The following LGSN variants were observed in gnomAD, a reference collection of about 807,000 sequenced individuals.
LGSN encodes lengsin, lens protein with glutamine synthetase domain, also known as lengsin.
LGSN carries 21 observed loss-of-function variants against 19.5 expected under a neutral mutation model. That is an observed-to-expected ratio of 1.07 (90% CI 0.76 to 1.55). LGSN has a LOEUF of 1.55. Ranked by LOEUF, LGSN falls within the 40% of genes most tolerant of loss-of-function variation. LGSN has a pLI of 0.00. For synonymous variants in LGSN, 257 were observed against 215.6 expected, an observed-to-expected ratio of 1.19 and a Z score of -1.68; for missense variants, 673 against 608.5, an observed-to-expected ratio of 1.11 and a Z score of -1.12.
chr6:63,562,901 G>A, the LGSN span, among the ~76,000 whole-genome samples: 1 of 152,122 alleles, frequency 6.6e-6, no homozygotes, highest in African/African-American at 2.4e-5. Context: ...CTTTTCATCA[G>A]TGTGCCTATA....
the LGSN span, among the ~76,000 whole-genome samples, chr6:63,423,379 G>T: frequency 6.6e-6 from 1 of 151,978 alleles, no homozygotes; most frequent in South Asian, 2.1e-4. Flanking sequence ...AGTGGCTCAT[G>T]CCTGTAAACT....
the LGSN span, among the ~76,000 whole-genome samples, chr6:63,368,122 A>G: frequency 6.9e-6 from 1 of 145,440 alleles, no homozygotes; most frequent in Non-Finnish European, 1.5e-5. Context: ...AGCCAGAAAA[A>G]AAGAAAAAAA....
chr6:63,324,493 C>A (rs1474076678), upstream of LGSN, among the ~76,000 whole-genome samples: 1 of 152,042 alleles, frequency 6.6e-6, no homozygotes, highest in African/African-American at 2.4e-5. Context: ...GGAATATTCT[C>A]CAGGACAGAC....
chr6:63,324,212 G>T (rs1769173292), upstream of LGSN, among the ~76,000 whole-genome samples: 1 of 152,154 alleles, frequency 6.6e-6, no homozygotes, highest in Non-Finnish European at 1.5e-5. Flanking sequence ...TCTCCTCAAA[G>T]GTTCTTGGAA....
At chr6:63,531,161 C>T in the LGSN span, among the ~76,000 whole-genome samples, 2 of 152,154 alleles carry the variant, frequency 1.3e-5, no homozygotes, top group Non-Finnish European at 2.9e-5. Flanking sequence ...GAGTTGGTGT[C>T]CATCAAGATA....
the LGSN span, among the ~76,000 whole-genome samples, chr6:63,340,817 T>C: frequency 6.6e-6 from 1 of 151,934 alleles, no homozygotes; most frequent in East Asian, 1.9e-4. Flanking sequence ...TAGAAAGTCA[T>C]ATTCCCTTGC....
At chr6:63,371,076 A>C in the LGSN span, among the ~76,000 whole-genome samples, 1 of 152,168 alleles carries the variant, frequency 6.6e-6, no homozygotes, top group South Asian at 2.1e-4. Flanking sequence ...TAATTTCTCA[A>C]AATGTTAGTT....
the LGSN span, among the ~76,000 whole-genome samples, chr6:63,460,100 CTTTTTTTTTTTT>C: frequency 2.0e-4 from 11 of 56,128 alleles, no homozygotes; most frequent in Admixed American, 1.1e-3. Context: ...ATTTCATTCC[CTTTTTTTTTTTT>C]TTTTTTTTTT....
chr6:63,421,909 T>C, the LGSN span, among the ~76,000 whole-genome samples: 1 of 151,964 alleles, frequency 6.6e-6, no homozygotes, highest in African/African-American at 2.4e-5. Context: ...GTTGAAGAAA[T>C]AAATATAGCT....
chr6:63,441,944 G>A, the LGSN span: 3 of 230,568 alleles, frequency 1.3e-5, no homozygotes, highest in South Asian at 1.2e-4. Flanking sequence ...GCGGACCCTC[G>A]CGGTGAGTGT....
chr6:63,411,605 C>T, the LGSN span, among the ~76,000 whole-genome samples: 3 of 152,016 alleles, frequency 2.0e-5, no homozygotes, highest in African/African-American at 4.8e-5. Flanking sequence ...TTTGGGAGGC[C>T]GAGAAGGGAG....
chr6:63,384,489 TTGTGTGTG>T, the LGSN span, among the ~76,000 whole-genome samples: 1,150 of 131,580 alleles, frequency 8.7e-3, 16 homozygotes, highest in African/African-American at 0.03. Flanking sequence ...AAATAACACC[TTGTGTGTG>T]TGTGTGTGTG....
the LGSN span, among the ~76,000 whole-genome samples, chr6:63,475,415 T>C: frequency 6.6e-6 from 1 of 151,712 alleles, no homozygotes. Flanking sequence ...CCCAACATGG[T>C]ATGTTTCTGG....
At chr6:63,386,213 C>A in the LGSN span, among the ~76,000 whole-genome samples, 1 of 152,054 alleles carries the variant, frequency 6.6e-6, no homozygotes, top group Non-Finnish European at 1.5e-5. Flanking sequence ...AAGAGAGGGA[C>A]CCCTTTGTGA....
the LGSN span, among the ~76,000 whole-genome samples, chr6:63,412,537 A>AGAAAGAAG: frequency 3.7e-4 from 40 of 109,560 alleles, no homozygotes; most frequent in African/African-American, 1.3e-3. Context: ...AAGGAAAGAA[A>AGAAAGAAG]GAAAGAAAGA....
At chr6:63,459,727 A>G in the LGSN span, among the ~76,000 whole-genome samples, 1 of 152,116 alleles carries the variant, frequency 6.6e-6, no homozygotes. Context: ...CAGCCTGACC[A>G]ACATGATGAA....
intron 1 of LGSN, 41 bp downstream of exon 1, chr6:63,319,873 C>T (rs1324637681): frequency 2.8e-6 from 4 of 1,430,298 alleles, no homozygotes; most frequent in Non-Finnish European, 3.9e-6. Flanking sequence ...GATTTACTGT[C>T]AATATTTTGG....
chr6:63,463,153 A>G, the LGSN span, among the ~76,000 whole-genome samples: 6 of 152,278 alleles, frequency 3.9e-5, no homozygotes, highest in African/African-American at 1.4e-4. Flanking sequence ...ACCTCTCTGT[A>G]TCTCTGTTTT....
the LGSN span, among the ~76,000 whole-genome samples, chr6:63,372,014 T>C: frequency 2.0e-5 from 3 of 152,222 alleles, no homozygotes; most frequent in Non-Finnish European, 2.9e-5. Context: ...GCAAAATTGC[T>C]TCCAATCTGG....
Sources: gnomAD v4.1 joint callset for allele counts (sites outside exome capture counted in the v4.1 genomes callset) on GRCh38, gnomAD v4.1.1 for gene constraint, MANE v1.5 for transcripts, NCBI Gene and HGNC (gene_info 2026-07-23, HGNC 2026-07-21) for gene names.